The following TLE1 variants were observed in gnomAD, a reference collection of about 807,000 sequenced individuals.
TLE1 encodes the protein TLE family member 1, transcriptional corepressor.
TLE1 carries 21 observed loss-of-function variants against 89.8 expected under a neutral mutation model. That is an observed-to-expected ratio of 0.23 (90% CI 0.17 to 0.34). TLE1 has a LOEUF of 0.34. TLE1 is among the 10% of genes least tolerant of loss of function. The probability of loss-of-function intolerance (pLI) is 1.00; values close to 1 mark genes in which losing one functional copy is unlikely to be tolerated. For synonymous variants in TLE1, 447 were observed against 407.6 expected (o/e 1.10, Z -1.16); for missense variants, 795 against 1,031.2 (o/e 0.77, Z 3.14).
chr9:81,656,592 T>A (rs921724517), intron 4 of TLE1, among the ~76,000 whole-genome samples: 13 of 152,178 alleles, frequency 8.5e-5, no homozygotes, highest in African/African-American at 3.1e-4. Context: ...CATTCCAGGT[T>A]CTCACTTATG....
Position 81,616,070 on chromosome 9 carries a change from C to A in TLE1, c.830G>T (p.Arg277Leu). The change falls in exon 11 of 20, where the codon CGC (arginine) becomes CTC (leucine). Residue 277 changes from arginine (R) to leucine (L), a missense_variant. This residue lies in a region of TLE1 where 468 missense variants were observed against 509.1 expected (regional missense o/e 0.92). Coordinates refer to ENST00000376499, the MANE Select transcript of TLE1 (RefSeq NM_005077.5). ...SPRENGIDKNRLLKKDASSSP... is the reference protein window; with the variant it reads ...SPRENGIDKNLLLKKDASSSP... ...GCTAGAAGCATCCTTCTTTAGCAGG[C>A]GATTTTTGTCGATTCCATTTTCCCG... 1.2e-6 allele frequency: 2 copies of A among 1,614,106 alleles called. No individual in the cohort carries two copies. Among genetic ancestry groups the A allele is most frequent in the Non-Finnish European group, 1.7e-6 (2 of 1,180,012 alleles).
intron 17 of TLE1, 37 bp from the exon 18 acceptor site, chr9:81,585,692 C>T: frequency 3.7e-6 from 6 of 1,605,828 alleles, no homozygotes; most frequent in Non-Finnish European, 5.1e-6. Flanking sequence ...ATTATTCCGC[C>T]TGATACACTT....
intron 6 of TLE1, among the ~76,000 whole-genome samples, chr9:81,640,712 A>G (rs1230357754): frequency 1.3e-5 from 2 of 152,224 alleles, no homozygotes; most frequent in African/African-American, 4.8e-5. Flanking sequence ...GGTCAATTAT[A>G]TTACTATAAT....
chr9:81,679,951 T>C (rs1347163339), intron 4 of TLE1, among the ~76,000 whole-genome samples: 1 of 152,212 alleles, frequency 6.6e-6, no homozygotes, highest in Non-Finnish European at 1.5e-5. Context: ...ATTTTTAGTT[T>C]AACTACCACT....
intron 2 of TLE1, among the ~76,000 whole-genome samples, chr9:81,686,857 A>C (rs979102578): frequency 6.6e-6 from 1 of 151,980 alleles, no homozygotes; most frequent in African/African-American, 2.4e-5. Context: ...CACCTCCCTC[A>C]CCATCACCAA....
At chr9:81,622,441 G>GT (rs11436586) in intron 8 of TLE1, among the ~76,000 whole-genome samples, 7,821 of 151,496 alleles carry the variant, frequency 0.052, 657 homozygotes, top group African/African-American at 0.17. Flanking sequence ...TTAATGTCTT[G>GT]TTTTTTTTTG....
intron 8 of TLE1, among the ~76,000 whole-genome samples, chr9:81,627,564 CAG>C (rs1012327686): frequency 3.9e-5 from 6 of 152,214 alleles, no homozygotes; most frequent in South Asian, 2.1e-4. Context: ...TTTTTTTAAG[CAG>C]AGTTTTAAAC....
At chr9:81,602,326 C>G (rs1831046802) in intron 14 of TLE1, among the ~76,000 whole-genome samples, 1 of 152,214 alleles carries the variant, frequency 6.6e-6, no homozygotes, top group East Asian at 1.9e-4. Flanking sequence ...GTCGAACATC[C>G]CTTATCCAAA....
chr9:81,684,046 G>C (rs917960041), intron 4 of TLE1, among the ~76,000 whole-genome samples: 1 of 151,442 alleles, frequency 6.6e-6, no homozygotes, highest in African/African-American at 2.4e-5. Context: ...AGTCAATGAG[G>C]TTATTAAATC....
intron 8 of TLE1, chr9:81,621,048 G>T: frequency 3.7e-6 from 1 of 272,344 alleles, no homozygotes. Flanking sequence ...ATTTTCCACA[G>T]CAACAATGAA....
At chr9:81,666,804 T>TA (rs112716185) in intron 4 of TLE1, among the ~76,000 whole-genome samples, 83 of 145,712 alleles carry the variant, frequency 5.7e-4, no homozygotes, top group African/African-American at 2.0e-3. Context: ...AATAAATAAA[T>TA]AAATAAAATA....
At chr9:81,592,980 C>G (rs1829753740) in intron 15 of TLE1, 45 bp downstream of exon 15, 1 of 1,585,930 alleles carries the variant, frequency 6.3e-7, no homozygotes, top group African/African-American at 1.3e-5. Flanking sequence ...CTTATTGAAT[C>G]TCCAGGGAGA....
Position 81,610,281 on chromosome 9 carries a change from G to T in TLE1, c.1270C>A (p.Pro424Thr), listed in dbSNP as rs755482460. ...ATGGTAGGTACTCTCATGTGAGGGG[G>T]AGGATCAAACCCCACCTGGAAACAA... is the stretch of plus-strand genomic sequence containing the variant. Reference protein sequence around the residue: ...GRSPMVGFDPPPHMRVPTIPP... With the variant: ...GRSPMVGFDPTPHMRVPTIPP... The change falls in exon 14 of 20, where the codon CCC (proline) becomes ACC (threonine). Residue 424 changes from proline to threonine, a missense_variant. Transcript: ENST00000376499. 2.5e-6 allele frequency: 4 copies of T among 1,613,800 alleles called. No individual in the cohort carries two copies. In the African/African-American group the frequency reaches 5.3e-5, roughly 22 times the overall value.
intron 15 of TLE1, among the ~76,000 whole-genome samples, chr9:81,592,680 C>T (rs954368655): frequency 1.4e-4 from 21 of 152,170 alleles, no homozygotes; most frequent in Non-Finnish European, 2.8e-4. Context: ...AATTAAAAAA[C>T]GAGTGGATGG....
chr9:81,602,999 G>A (rs550705921), intron 14 of TLE1, among the ~76,000 whole-genome samples: 2 of 152,128 alleles, frequency 1.3e-5, no homozygotes, highest in Non-Finnish European at 2.9e-5. Flanking sequence ...AACCCATCTT[G>A]TCATCTTAAC....
chr9:81,643,036 A>C (rs182575760), intron 6 of TLE1, among the ~76,000 whole-genome samples: 18 of 152,332 alleles, frequency 1.2e-4, no homozygotes, highest in Non-Finnish European at 1.9e-4. Context: ...TACAACTCAC[A>C]GAAGCAGAGA....
intron 8 of TLE1, among the ~76,000 whole-genome samples, chr9:81,623,214 T>C (rs1361808640): frequency 6.6e-6 from 1 of 152,116 alleles, no homozygotes; most frequent in African/African-American, 2.4e-5. Context: ...TTTTCCCTCA[T>C]GTTGTGATTT....
chr9:81,627,469 T>C (rs1254643759), intron 8 of TLE1, among the ~76,000 whole-genome samples: 1 of 152,168 alleles, frequency 6.6e-6, no homozygotes, highest in East Asian at 1.9e-4. Context: ...TACAGGCTCC[T>C]GACAATCTAG....
intron 8 of TLE1, among the ~76,000 whole-genome samples, chr9:81,626,972 C>T (rs1384382353): frequency 6.6e-6 from 1 of 152,138 alleles, no homozygotes; most frequent in African/African-American, 2.4e-5. Flanking sequence ...TATGTCAAAG[C>T]TTTTTTGAAA....
Sources: allele counts gnomAD v4.1 joint callset (sites outside exome capture counted in the v4.1 genomes callset), GRCh38; gene constraint gnomAD v4.1.1; regional missense constraint gnomAD v4.1.1; transcripts MANE v1.5; gene names NCBI Gene and HGNC (gene_info 2026-07-23, HGNC 2026-07-21).